Variants in FBXL17 observed in about 807,000 individuals in gnomAD.
FBXL17 encodes the protein F-box and leucine rich repeat protein 17, also known as F-box/LRR-repeat protein 17.
In FBXL17, 22 loss-of-function variants were observed where a neutral mutation model predicts 66.2. The ratio of observed to expected loss-of-function variants is 0.33; its 90% CI spans 0.24 to 0.47. FBXL17 has a LOEUF of 0.47. FBXL17 is among the 20% of genes least tolerant of loss of function. FBXL17 has a pLI of 1.00. For synonymous variants in FBXL17, 474 were observed against 400.5 expected, an observed-to-expected ratio of 1.18 and a Z score of -2.19; for missense variants, 878 against 948.2, an observed-to-expected ratio of 0.93 and a Z score of 0.97.
At position 108,130,161 on chromosome 5, in the gene FBXL17, T is replaced by G. The variant is rs966364269; in HGVS notation, c.1745+55956A>C. 2.0e-5 allele frequency among the ~76,000 whole-genome samples: 3 copies of G among 151,788 alleles called. No individual in the cohort carries two copies. The South Asian group carries it at 6.2e-4, about 31-fold the overall frequency. Reference sequence around the variant, plus strand: ...TATAATTTACTTTTAAAATATAATTTTTATCGTGGGAGAGAAAGAAAACAT... The same window carrying G: ...TATAATTTACTTTTAAAATATAATTGTTATCGTGGGAGAGAAAGAAAACAT... On this transcript the variant is annotated intron_variant, in intron 6 of 8. Transcript: ENST00000542267.
Position 107,861,535 on chromosome 5 carries a change from G to C in FBXL17, c.*185C>G, listed in dbSNP as rs1748121975. 1 of 465,528 alleles carries C rather than the reference G, an allele frequency of 2.1e-6. No homozygotes were observed. Among genetic ancestry groups the C allele is most frequent in the South Asian group, 1.2e-4 (1 of 8,432 alleles). The allele number at this position is 465,528 out of a possible 1,614,324, so 28.8% of individuals were successfully genotyped here. On this transcript the variant is annotated 3_prime_UTR_variant, in exon 9 of 9. Coordinates refer to ENST00000542267, the MANE Select transcript of FBXL17 (RefSeq NM_001163315.3). ...CTTTAATTTCTAAGAAAAAAAGCCA[G>C]CTCACTTGGGAACAAATGACAACTG...
At chr5:108,238,227 C>T (rs995887738) in intron 4 of FBXL17, among the ~76,000 whole-genome samples, 1 of 152,198 alleles carries the variant, frequency 6.6e-6, no homozygotes, top group Non-Finnish European at 1.5e-5. Context: ...CATCACTGTG[C>T]TCTTCATTTA....
chr5:108,271,280 A>G (rs961653447), intron 4 of FBXL17, among the ~76,000 whole-genome samples: 4 of 152,022 alleles, frequency 2.6e-5, no homozygotes, highest in Non-Finnish European at 5.9e-5. Flanking sequence ...TAATCCAACA[A>G]ATGTCCAAAT....
intron 3 of FBXL17, 53 bp from the exon 4 acceptor site, chr5:108,348,583 T>G (rs1276357044): frequency 6.4e-7 from 1 of 1,555,004 alleles, no homozygotes; most frequent in Non-Finnish European, 8.8e-7. Flanking sequence ...AGGCAACATA[T>G]TTCAAGTGAG....
At chr5:108,093,280 TAAA>T (rs201945319) in intron 6 of FBXL17, among the ~76,000 whole-genome samples, 1 of 143,200 alleles carries the variant, frequency 7.0e-6, no homozygotes, top group African/African-American at 2.6e-5. Flanking sequence ...TTAATCTACT[TAAA>T]AAAAAAAAAA....
At chr5:108,144,864 T>C (rs373167695) in intron 6 of FBXL17, among the ~76,000 whole-genome samples, 2 of 152,164 alleles carry the variant, frequency 1.3e-5, no homozygotes, top group South Asian at 4.1e-4. Flanking sequence ...CCATATAAAT[T>C]GAAAATAAAC....
chr5:108,026,390 T>C (rs894118186), intron 6 of FBXL17, among the ~76,000 whole-genome samples: 5 of 152,220 alleles, frequency 3.3e-5, no homozygotes, highest in Admixed American at 6.5e-5. Flanking sequence ...TAAATCCACT[T>C]TGTATTTTAC....
intron 4 of FBXL17, among the ~76,000 whole-genome samples, chr5:108,286,555 G>T (rs995374046): frequency 2.0e-5 from 3 of 151,846 alleles, no homozygotes; most frequent in African/African-American, 7.2e-5. Context: ...CCACAAAAAA[G>T]AATAAAATAC....
Position 108,279,592 on chromosome 5 carries a change from C to T in FBXL17, c.1507-55364G>A, listed in dbSNP as rs1270170521. On this transcript the variant is annotated intron_variant, in intron 4 of 8. Transcript: ENST00000542267. ...GTAATATGACACCCCTAAAGAAGCA[C>T]AATAATTCTCTACCAATAGATCTTA... Among the ~76,000 whole-genome samples the T allele has an allele frequency of 4.7e-5, 7 of 149,260 alleles. No homozygotes were observed. The East Asian group carries it at 1.2e-3, about 25-fold the overall frequency.
At chr5:107,965,207 T>G (rs1752075809) in intron 7 of FBXL17, among the ~76,000 whole-genome samples, 1 of 152,150 alleles carries the variant, frequency 6.6e-6, no homozygotes, top group Non-Finnish European at 1.5e-5. Context: ...TAAGCCCAGT[T>G]ACCATAAAAG....
At chr5:108,162,027 C>T (rs923127447) in intron 6 of FBXL17, among the ~76,000 whole-genome samples, 8 of 152,124 alleles carry the variant, frequency 5.3e-5, no homozygotes, top group Admixed American at 1.3e-4. Context: ...ATTATGAAAA[C>T]GTAAAGTGGC....
chr5:107,980,664 A>ATATTTTTTTTTTTTTTTTTTT, intron 7 of FBXL17, among the ~76,000 whole-genome samples: 4 of 62,078 alleles, frequency 6.4e-5, no homozygotes, highest in African/African-American at 4.1e-4. Flanking sequence ...ATATATATAT[A>ATATTTTTTTTTTTTTTTTTTT]TTTTTTTTTT....
chr5:108,300,922 ATATATT>A (rs1225912462), intron 4 of FBXL17, among the ~76,000 whole-genome samples: 3 of 151,752 alleles, frequency 2.0e-5, no homozygotes, highest in Non-Finnish European at 4.4e-5. Flanking sequence ...GTCTGTATAT[ATATATT>A]TAAAGTCTAA....
chr5:108,232,798 TA>T (rs1755419463), intron 4 of FBXL17, among the ~76,000 whole-genome samples: 4 of 131,874 alleles, frequency 3.0e-5, no homozygotes, highest in African/African-American at 1.1e-4. Context: ...TATATATATA[TA>T]TATATAATAT....
intron 4 of FBXL17, among the ~76,000 whole-genome samples, chr5:108,288,438 A>G (rs906300406): frequency 2.6e-5 from 4 of 152,090 alleles, no homozygotes; most frequent in Non-Finnish European, 4.4e-5. Flanking sequence ...TAAAACATAC[A>G]ATATCTCAGA....
chr5:107,903,486 T>C (rs1366107076), intron 7 of FBXL17, among the ~76,000 whole-genome samples: 1 of 152,182 alleles, frequency 6.6e-6, no homozygotes, highest in East Asian at 1.9e-4. Flanking sequence ...AGTTAATAAG[T>C]AATATTAGCA....
At chr5:108,283,836 A>G (rs1757794363) in intron 4 of FBXL17, among the ~76,000 whole-genome samples, 1 of 151,950 alleles carries the variant, frequency 6.6e-6, no homozygotes, top group Non-Finnish European at 1.5e-5. Flanking sequence ...GCTCACCAAC[A>G]ACCAAAGACT....
At chr5:107,969,398 T>A (rs1752281780) in intron 7 of FBXL17, among the ~76,000 whole-genome samples, 1 of 152,156 alleles carries the variant, frequency 6.6e-6, no homozygotes, top group African/African-American at 2.4e-5. Flanking sequence ...TCATTATTGT[T>A]TAATGGATAC....
intron 4 of FBXL17, among the ~76,000 whole-genome samples, chr5:108,337,255 C>CAA (rs1222260145): frequency 5.8e-5 from 4 of 68,512 alleles, no homozygotes; most frequent in Admixed American, 1.7e-4. Context: ...GACTCCATCT[C>CAA]AAAAAAAAAA....
Sources: gnomAD v4.1 joint callset for allele counts (sites outside exome capture counted in the v4.1 genomes callset) on GRCh38, gnomAD v4.1.1 for gene constraint, MANE v1.5 for transcripts, NCBI Gene and HGNC (gene_info 2026-07-23, HGNC 2026-07-21) for gene names.